The following BFSP2 variants were observed in gnomAD, a reference collection of about 807,000 sequenced individuals.
The protein encoded by BFSP2 is phakinin.
A neutral mutation model predicts 44.9 loss-of-function variants in BFSP2; 38 were observed. That is an observed-to-expected ratio of 0.85 (90% CI 0.65 to 1.11). BFSP2 has a LOEUF of 1.11. Ranked by LOEUF, BFSP2 falls within the 50% of genes least tolerant of loss-of-function variation. The pLI is 0.00. For missense variants in BFSP2, 525 were observed against 533.0 expected, an observed-to-expected ratio of 0.99 and a Z score of 0.15; for synonymous variants, 197 against 209.9, an observed-to-expected ratio of 0.94 and a Z score of 0.53.
chr3:133,444,326 A>G (rs2073875329), intron 1 of BFSP2, among the ~76,000 whole-genome samples: 1 of 152,096 alleles, frequency 6.6e-6, no homozygotes, highest in Non-Finnish European at 1.5e-5. Context: ...CTGCTGAGTC[A>G]CACATACGCT....
At chr3:133,474,398 T>A (rs112682583) in intron 6 of BFSP2, among the ~76,000 whole-genome samples, 1,725 of 152,334 alleles carry the variant, frequency 0.011, 36 homozygotes, top group African/African-American at 0.04. Context: ...TCTCTCCAAC[T>A]GTGTAACCTC....
chr3:133,454,087 G>C lies in BFSP2; in HGVS notation c.891+3623G>C, dbSNP rs959150878. Among the ~76,000 whole-genome samples the C allele has an allele frequency of 2.0e-5, 3 of 152,044 alleles. No individual in the cohort carries two copies. The East Asian group carries it at 5.8e-4, about 29-fold the overall frequency. On this transcript the variant is annotated intron_variant, in intron 4 of 6. Transcript: ENST00000302334. ...TGGTTACCTAATGCAGGGTACTCAG[G>C]GATGCTTCAGGAACCTCAGACAACA...
In BFSP2 at chr3:133,403,438, C is replaced by T. The variant is rs549895582; in HGVS notation, c.489+2866C>T. Reference sequence around the variant, plus strand: ...CCTCTGTGACTCCTCAGGGCCCATGCAGGGCCTGAGGCCTCAGAGCAAGCT... The same window carrying T: ...CCTCTGTGACTCCTCAGGGCCCATGTAGGGCCTGAGGCCTCAGAGCAAGCT... On this transcript the variant is annotated intron_variant, in intron 1 of 6. Transcript: ENST00000302334. 8.5e-4 allele frequency among the ~76,000 whole-genome samples: 129 copies of T among 152,270 alleles called. 1 individual carries two copies. The highest frequency in any genetic ancestry group is 2.9e-3 in the African/African-American group (122 of 41,540).
rs1553779091 is a variant in BFSP2 at position 133,425,789 on chromosome 3, G to GGAAGGGAA, written c.490-21526_490-21519dup. ...TGGGAAAGGGAAAGGGAAAGGGAAG[G>GGAAGGGAA]GAAGGGAAGGGAAGAAGGGAAGGGA... On this transcript the variant is annotated intron_variant, in intron 1 of 6. Coordinates refer to ENST00000302334, the MANE Select transcript of BFSP2 (RefSeq NM_003571.4). Among the ~76,000 whole-genome samples, 51 of 136,426 alleles carry GGAAGGGAA rather than the reference G, an allele frequency of 3.7e-4. No individual in the cohort carries two copies. In the South Asian group the frequency reaches 6.4e-3, roughly 17 times the overall value. 89.5% of individuals were successfully genotyped at this position (136,426 alleles called of 152,430 possible).
At chr3:133,423,061 G>A (rs1032514414) in intron 1 of BFSP2, among the ~76,000 whole-genome samples, 5 of 152,138 alleles carry the variant, frequency 3.3e-5, no homozygotes, top group African/African-American at 1.2e-4. Context: ...AAGAGCAGAG[G>A]TATAGTCTGA....
At chr3:133,446,354 G>C (rs1417756550) in intron 1 of BFSP2, among the ~76,000 whole-genome samples, 1 of 151,800 alleles carries the variant, frequency 6.6e-6, no homozygotes, top group Non-Finnish European at 1.5e-5. Context: ...CTGGGAGGCA[G>C]AGGTTGCAGT....
chr3:133,407,572 TAAGA>T (rs1020190851), intron 1 of BFSP2, among the ~76,000 whole-genome samples: 4 of 151,928 alleles, frequency 2.6e-5, no homozygotes, highest in African/African-American at 4.8e-5. Context: ...AAAGAAAAAC[TAAGA>T]AAGAGTGGAG....
chr3:133,421,601 A>G (rs2073593043), intron 1 of BFSP2, among the ~76,000 whole-genome samples: 1 of 152,202 alleles, frequency 6.6e-6, no homozygotes, highest in African/African-American at 2.4e-5. Context: ...AAAAAAGGTC[A>G]CCTTCACAGG....
intron 4 of BFSP2, among the ~76,000 whole-genome samples, chr3:133,465,873 T>C (rs1390759598): frequency 1.3e-5 from 2 of 152,208 alleles, no homozygotes; most frequent in Non-Finnish European, 2.9e-5. Flanking sequence ...TGCTCTTGTA[T>C]GAAAAATAAG....
At chr3:133,408,491 TTGACCCAGC>T (rs576478603) in intron 1 of BFSP2, among the ~76,000 whole-genome samples, 260 of 152,378 alleles carry the variant, frequency 1.7e-3, no homozygotes, top group Non-Finnish European at 3.2e-3. Flanking sequence ...TATACATAAT[TTGACCCAGC>T]AGTCCTGTTT....
At chr3:133,441,962 G>A (rs1282086948) in intron 1 of BFSP2, among the ~76,000 whole-genome samples, 1 of 152,152 alleles carries the variant, frequency 6.6e-6, no homozygotes, top group Non-Finnish European at 1.5e-5. Flanking sequence ...GCAAGTGCTA[G>A]GGCCTTGAGC....
chr3:133,434,198 G>A (rs912797038), intron 1 of BFSP2, among the ~76,000 whole-genome samples: 11 of 152,062 alleles, frequency 7.2e-5, no homozygotes, highest in Admixed American at 4.6e-4. Context: ...AGATGTCCTA[G>A]GTCCTGCCAA....
intron 1 of BFSP2, among the ~76,000 whole-genome samples, chr3:133,412,107 AAAT>A (rs1253514301): frequency 6.6e-6 from 1 of 152,234 alleles, no homozygotes; most frequent in Non-Finnish European, 1.5e-5. Context: ...TTTGAAGAAG[AAAT>A]AATATGATGT....
At chr3:133,412,313 G>C (rs1230651304) in intron 1 of BFSP2, 1 of 152,338 alleles carries the variant, frequency 6.6e-6, no homozygotes, top group East Asian at 1.9e-4. Context: ...CATCGGGTTG[G>C]TGCAGGAATG....
intron 1 of BFSP2, among the ~76,000 whole-genome samples, chr3:133,404,316 G>A (rs2073385975): frequency 6.6e-6 from 1 of 152,192 alleles, no homozygotes; most frequent in South Asian, 2.1e-4. Flanking sequence ...CCCTACAACA[G>A]GTTCTTGGCC....
At chr3:133,465,262 C>A (rs1431685343) in intron 4 of BFSP2, among the ~76,000 whole-genome samples, 1 of 152,166 alleles carries the variant, frequency 6.6e-6, no homozygotes, top group Non-Finnish European at 1.5e-5. Flanking sequence ...CCACCTCGGC[C>A]TCCCAAAGTG....
intron 4 of BFSP2, among the ~76,000 whole-genome samples, chr3:133,464,891 C>T (rs557845158): frequency 1.1e-4 from 17 of 152,152 alleles, no homozygotes; most frequent in Non-Finnish European, 1.8e-4. Context: ...CTTCTGTTCT[C>T]CTTCAGCGAC....
At chr3:133,423,953 T>C (rs1258494045) in intron 1 of BFSP2, among the ~76,000 whole-genome samples, 2 of 152,024 alleles carry the variant, frequency 1.3e-5, no homozygotes, top group African/African-American at 2.4e-5. Context: ...CCCAATTTCC[T>C]GAGGATTATA....
intron 1 of BFSP2, among the ~76,000 whole-genome samples, chr3:133,426,135 T>C (rs1248891732): frequency 1.3e-5 from 2 of 151,750 alleles, no homozygotes; most frequent in Non-Finnish European, 1.5e-5. Flanking sequence ...TGGGGACACT[T>C]TTCTGGATTC....
Sources: gnomAD v4.1 joint callset for allele counts (sites outside exome capture counted in the v4.1 genomes callset) on GRCh38, gnomAD v4.1.1 for gene constraint, MANE v1.5 for transcripts, NCBI Gene and HGNC (gene_info 2026-07-23, HGNC 2026-07-21) for gene names.